CCSER1: variants seen among roughly 807,000 people sequenced by gnomAD.
CCSER1 encodes the protein serine-rich coiled-coil domain-containing protein 1.
Under a neutral mutation model 82.0 loss-of-function variants are expected in CCSER1, and 41 were observed. The ratio of observed to expected loss-of-function variants is 0.50; its 90% confidence interval spans 0.39 to 0.65. The LOEUF is 0.65. Among genes scored for constraint, CCSER1 ranks in the 30% least tolerant of loss-of-function variants. The probability of loss-of-function intolerance (pLI) is 0.00; values close to 1 mark genes in which losing one functional copy is unlikely to be tolerated. For synonymous variants in CCSER1, 414 were observed against 383.9 expected, an observed-to-expected ratio of 1.08 and a Z score of -0.92; for missense variants, 1,119 against 1,064.2, an observed-to-expected ratio of 1.05 and a Z score of -0.72.
At chr4:90,468,069 G>T (rs1763872861) in intron 4 of CCSER1, among the ~76,000 whole-genome samples, 165 bp from the exon 5 acceptor site, 1 of 152,154 alleles carries the variant, frequency 6.6e-6, no homozygotes, top group Non-Finnish European at 1.5e-5. Flanking sequence ...TATAGCTAGT[G>T]AGTGAAAAGA....
intron 10 of CCSER1, among the ~76,000 whole-genome samples, chr4:91,490,087 A>G (rs1758435453): frequency 6.6e-6 from 1 of 152,194 alleles, no homozygotes; most frequent in African/African-American, 2.4e-5. Context: ...AAGACAGGCA[A>G]TAATGAATGC....
chr4:90,898,807 G>A lies in CCSER1; in HGVS notation c.2095-24563G>A, dbSNP rs185894672. 3.3e-5 allele frequency among the ~76,000 whole-genome samples: 5 copies of A among 151,790 alleles called. No homozygotes were observed. In the East Asian group the frequency reaches 9.7e-4, roughly 29 times the overall value. On this transcript the variant is annotated intron_variant, in intron 8 of 10. Coordinates refer to ENST00000509176, the MANE Select transcript of CCSER1 (RefSeq NM_001145065.2). The stretch of plus-strand genomic sequence containing the variant: ...TCTATTCTGTTCCACTGCTCTATGT[G>A]TCTGTTTATGTATTGGTACCATACT...
intron 1 of CCSER1, among the ~76,000 whole-genome samples, chr4:90,280,765 G>A (rs977802920): frequency 5.5e-5 from 8 of 145,244 alleles, no homozygotes; most frequent in African/African-American, 2.1e-4. Flanking sequence ...CCCAGAATGT[G>A]CTGACACTTG....
intron 10 of CCSER1, among the ~76,000 whole-genome samples, chr4:91,137,092 T>G (rs1009467507): frequency 6.7e-6 from 1 of 148,184 alleles, no homozygotes; most frequent in African/African-American, 2.5e-5. Flanking sequence ...ACATGGGCCA[T>G]GCTGGTGCGC....
intron 10 of CCSER1, among the ~76,000 whole-genome samples, chr4:91,338,986 T>C (rs1747516871): frequency 6.6e-6 from 1 of 152,192 alleles, no homozygotes; most frequent in Admixed American, 6.5e-5. Context: ...CCATTCAATT[T>C]CTCTTCTGCC....
chr4:90,350,695 A>G (rs1743268281), intron 3 of CCSER1, among the ~76,000 whole-genome samples: 1 of 152,144 alleles, frequency 6.6e-6, no homozygotes, highest in Admixed American at 6.5e-5. Context: ...GGCACCAAAT[A>G]TAACAAATAT....
chr4:90,183,651 A>G (rs920807054), intron 1 of CCSER1, among the ~76,000 whole-genome samples: 1 of 152,182 alleles, frequency 6.6e-6, no homozygotes, highest in Non-Finnish European at 1.5e-5. Flanking sequence ...ACTCAGCTAT[A>G]GTCTGACTTG....
intron 5 of CCSER1, among the ~76,000 whole-genome samples, chr4:90,570,400 G>T (rs548375512): frequency 6.6e-6 from 1 of 152,056 alleles, no homozygotes; most frequent in African/African-American, 2.4e-5. Context: ...TGGGCTGTGG[G>T]CACTACACTA....
At chr4:90,189,218 C>T (rs1457256188) in intron 1 of CCSER1, among the ~76,000 whole-genome samples, 6 of 151,866 alleles carry the variant, frequency 4.0e-5, no homozygotes, top group Non-Finnish European at 7.4e-5. Flanking sequence ...CATAGAAGCC[C>T]GTCAGACCAA....
At chr4:91,405,184 T>A (rs939119056) in intron 10 of CCSER1, among the ~76,000 whole-genome samples, 2 of 152,010 alleles carry the variant, frequency 1.3e-5, no homozygotes, top group African/African-American at 4.8e-5. Context: ...TTTGTTGGTT[T>A]AATGTCTGTT....
intron 10 of CCSER1, among the ~76,000 whole-genome samples, chr4:91,462,451 T>C (rs940148868): frequency 1.3e-5 from 2 of 151,984 alleles, no homozygotes; most frequent in Non-Finnish European, 2.9e-5. Context: ...AGATGGGTGA[T>C]TTCTGCATTT....
chr4:91,277,011 T>C (rs1742519443), intron 10 of CCSER1, among the ~76,000 whole-genome samples: 1 of 152,126 alleles, frequency 6.6e-6, no homozygotes, highest in African/African-American at 2.4e-5. Flanking sequence ...TGTCACTTGA[T>C]CATGGTGTAT....
At chr4:91,049,242 GATA>G (rs748192639) in intron 9 of CCSER1, among the ~76,000 whole-genome samples, 2 of 152,160 alleles carry the variant, frequency 1.3e-5, no homozygotes, top group Non-Finnish European at 2.9e-5. Flanking sequence ...TTTTTACAAT[GATA>G]ATAAATAGAG....
Position 90,606,183 on chromosome 4 carries a change from C to T in CCSER1, c.1725-21842C>T, listed in dbSNP as rs142429843. ...TAATAAGTTATGGCCATTATCTCTT[C>T]CTTGCCATGGGGAGAGTCCTAGTTG... On this transcript the variant is annotated intron_variant, in intron 5 of 10. Coordinates refer to ENST00000509176, the MANE Select transcript of CCSER1 (RefSeq NM_001145065.2). 1.3e-3 allele frequency among the ~76,000 whole-genome samples: 188 copies of T among 140,944 alleles called. 2 individuals are homozygous for T. Among genetic ancestry groups the T allele is most frequent in the African/African-American group, 5.3e-3 (182 of 34,282 alleles). 92.5% of individuals were successfully genotyped at this position (140,944 alleles called of 152,430 possible). A position where few individuals can be genotyped will look rare whatever the true frequency, so the allele number is the denominator to read the frequency against.
At chr4:90,589,454 A>G (rs1241797890) in intron 5 of CCSER1, among the ~76,000 whole-genome samples, 1 of 152,094 alleles carries the variant, frequency 6.6e-6, no homozygotes, top group Non-Finnish European at 1.5e-5. Context: ...ATTTTATTTG[A>G]AAACTTGGAT....
intron 4 of CCSER1, among the ~76,000 whole-genome samples, chr4:90,411,611 G>C (rs1328259611): frequency 6.6e-6 from 1 of 152,158 alleles, no homozygotes; most frequent in Non-Finnish European, 1.5e-5. Context: ...AGGTATTGAT[G>C]GGATGTATCT....
At chr4:91,196,030 T>TA (rs929251188) in intron 10 of CCSER1, among the ~76,000 whole-genome samples, 6 of 151,680 alleles carry the variant, frequency 4.0e-5, no homozygotes, top group East Asian at 1.9e-4. Context: ...CTACTAAAAA[T>TA]AAAAAAATTA....
At chr4:91,403,804 T>C (rs1225707427) in intron 10 of CCSER1, among the ~76,000 whole-genome samples, 1 of 152,142 alleles carries the variant, frequency 6.6e-6, no homozygotes. Flanking sequence ...TGCCAGTATT[T>C]TATTGAGGAT....
At chr4:91,193,955 ATTC>A (rs1446622873) in intron 10 of CCSER1, among the ~76,000 whole-genome samples, 1 of 151,872 alleles carries the variant, frequency 6.6e-6, no homozygotes, top group Non-Finnish European at 1.5e-5. Context: ...TATGATTCCT[ATTC>A]TTATTTATTT....
Sources: allele counts gnomAD v4.1 joint callset (sites outside exome capture counted in the v4.1 genomes callset), GRCh38; gene constraint gnomAD v4.1.1; transcripts MANE v1.5; gene names NCBI Gene and HGNC (gene_info 2026-07-23, HGNC 2026-07-21).